The following ADAM22 variants were observed in gnomAD, a reference collection of about 807,000 sequenced individuals.
ADAM22 encodes ADAM metallopeptidase domain 22, also known as disintegrin and metalloproteinase domain-containing protein 22.
Under a neutral mutation model 144.6 loss-of-function variants are expected in ADAM22, and 65 were observed. That is an observed-to-expected ratio of 0.45 (90% CI 0.37 to 0.55). ADAM22 has a LOEUF of 0.55. Among genes scored for constraint, ADAM22 ranks in the 20% least tolerant of loss-of-function variants. The pLI is 0.00. For synonymous variants in ADAM22, 391 were observed against 412.6 expected (o/e 0.95, Z 0.63); for missense variants, 974 against 1,184.9 (o/e 0.82, Z 2.61).
At chr7:88,051,537 A>G (rs1039497667) in intron 3 of ADAM22, among the ~76,000 whole-genome samples, 2 of 148,232 alleles carry the variant, frequency 1.3e-5, no homozygotes, top group Non-Finnish European at 3.0e-5. Flanking sequence ...AACACCACAC[A>G]CCGGGGCCTG....
chr7:88,188,322 C>T (rs768620344), intron 30 of ADAM22, among the ~76,000 whole-genome samples: 4 of 152,202 alleles, frequency 2.6e-5, no homozygotes, highest in South Asian at 4.1e-4. Context: ...AAAGAGGTCA[C>T]GTTTCTTAAA....
At chr7:88,064,605 G>C (rs1810729886) in intron 3 of ADAM22, among the ~76,000 whole-genome samples, 1 of 152,128 alleles carries the variant, frequency 6.6e-6, no homozygotes, top group Admixed American at 6.6e-5. Flanking sequence ...CTGCTTCCAA[G>C]ATGGTGCCTT....
In ADAM22 at chr7:88,125,642, A is replaced by T. The variant is rs1167112845; in HGVS notation, c.661A>T (p.Lys221Ter). Residue 221 changes from lysine to a stop codon, truncating the protein, a stop_gained, in exon 8 of 32, where the codon AAA becomes TAA. Coordinates refer to ENST00000413139, the MANE Select transcript of ADAM22 (RefSeq NM_001324418.2). LOFTEE classifies it high-confidence loss of function. Reference sequence around the variant, plus strand: ...AAAATTTATTTTGAAGCCAAGACCAAAAAGGAGTAAACGGCAGGTATGTAT... The same window carrying T: ...AAAATTTATTTTGAAGCCAAGACCATAAAGGAGTAAACGGCAGGTATGTAT... ...PSKFILKPRP[K>*]RSKRQLRRYP... 6.3e-7 allele frequency: 1 copy of T among 1,590,684 alleles called. No homozygotes were observed.
At chr7:88,078,931 T>C (rs1471410321) in intron 4 of ADAM22, among the ~76,000 whole-genome samples, 35 of 152,196 alleles carry the variant, frequency 2.3e-4, no homozygotes, top group South Asian at 4.1e-4. Context: ...CTGCAGGATA[T>C]TATCCAGGAG....
intron 2 of ADAM22, among the ~76,000 whole-genome samples, chr7:87,950,060 G>A (rs1361745904): frequency 6.6e-6 from 1 of 151,916 alleles, no homozygotes; most frequent in African/African-American, 2.4e-5. Flanking sequence ...GTAGAGAACA[G>A]GCACATTAGT....
At chr7:87,973,973 A>G (rs1316762347) in intron 2 of ADAM22, among the ~76,000 whole-genome samples, 2 of 152,034 alleles carry the variant, frequency 1.3e-5, no homozygotes, top group African/African-American at 4.8e-5. Context: ...GCATTAGGAG[A>G]TATACCTAAT....
intron 3 of ADAM22, among the ~76,000 whole-genome samples, chr7:88,075,173 CT>C (rs1813975344): frequency 6.6e-6 from 1 of 152,068 alleles, no homozygotes; most frequent in Non-Finnish European, 1.5e-5. Context: ...TTTCTTTTAA[CT>C]TTCTTTGCCT....
At chr7:88,187,559 G>A (rs1448390158) in intron 30 of ADAM22, among the ~76,000 whole-genome samples, 1 of 152,158 alleles carries the variant, frequency 6.6e-6, no homozygotes, top group African/African-American at 2.4e-5. Context: ...ATATCAAAGT[G>A]ATTTTCTAGA....
At position 88,064,963 on chromosome 7, in the gene ADAM22, ATAGTAGTAG is replaced by A. The variant is rs1458522132; in HGVS notation, c.324-10662_324-10654del. Among the ~76,000 whole-genome samples the A allele has an allele frequency of 2.0e-5, 3 of 152,136 alleles. No homozygotes were observed. The East Asian group carries it at 5.8e-4, about 29-fold the overall frequency. On this transcript the variant is annotated intron_variant, in intron 3 of 31. Coordinates refer to ENST00000413139, the MANE Select transcript of ADAM22 (RefSeq NM_001324418.2). ...AGTAGTAGTAGTGGTAGCAGTGGTA[ATAGTAGTAG>A]GTGCTCAAAATTGTTAACTATTATT... is the stretch of plus-strand genomic sequence containing the variant.
chr7:87,962,045 C>G (rs1353446865), intron 2 of ADAM22, among the ~76,000 whole-genome samples: 2 of 152,156 alleles, frequency 1.3e-5, no homozygotes, highest in Non-Finnish European at 2.9e-5. Flanking sequence ...CAAATGACCA[C>G]CAAACTCACT....
At chr7:88,011,539 C>CAAAA (rs774557316) in intron 3 of ADAM22, among the ~76,000 whole-genome samples, 1 of 90,456 alleles carries the variant, frequency 1.1e-5, no homozygotes. Flanking sequence ...GACTCAATCT[C>CAAAA]AAAAAAAAAA....
chr7:88,127,758 A>G (rs1489291694), intron 8 of ADAM22, among the ~76,000 whole-genome samples: 1 of 152,006 alleles, frequency 6.6e-6, no homozygotes, highest in African/African-American at 2.4e-5. Flanking sequence ...CAAGTGAGCA[A>G]AACGTTTTCT....
chr7:87,934,806 T>C, intron 1 of ADAM22: 1 of 684,522 alleles, frequency 1.5e-6, no homozygotes, highest in Non-Finnish European at 2.4e-6. Flanking sequence ...GGGAAAGGGG[T>C]GCCCTGCTTC....
intron 2 of ADAM22, among the ~76,000 whole-genome samples, chr7:87,966,115 T>C (rs1848992908): frequency 6.6e-6 from 1 of 152,232 alleles, no homozygotes; most frequent in African/African-American, 2.4e-5. Context: ...AAAGTTTTCC[T>C]AACTCTACTC....
At chr7:88,174,981 A>G (rs980548492) in intron 26 of ADAM22, among the ~76,000 whole-genome samples, 21 of 152,146 alleles carry the variant, frequency 1.4e-4, no homozygotes, top group Admixed American at 1.4e-3. Flanking sequence ...GTAAAGTAGC[A>G]ATTTAATAAG....
chr7:88,008,052 A>G (rs1246327597), intron 3 of ADAM22, among the ~76,000 whole-genome samples: 1 of 152,206 alleles, frequency 6.6e-6, no homozygotes, highest in Non-Finnish European at 1.5e-5. Flanking sequence ...CAAATTTACA[A>G]GAAAAAAACA....
intron 2 of ADAM22, among the ~76,000 whole-genome samples, chr7:87,939,607 A>G (rs1842060808): frequency 6.6e-6 from 1 of 152,244 alleles, no homozygotes; most frequent in African/African-American, 2.4e-5. Flanking sequence ...ATAACTATAA[A>G]TGAGTTAATA....
chr7:88,078,209 G>C (rs1431954016), intron 4 of ADAM22, among the ~76,000 whole-genome samples: 1 of 152,146 alleles, frequency 6.6e-6, no homozygotes, highest in Non-Finnish European at 1.5e-5. Flanking sequence ...CCACTTTTCT[G>C]CAGCCACCAC....
At chr7:88,055,323 G>A (rs1258650035) in intron 3 of ADAM22, among the ~76,000 whole-genome samples, 1 of 151,844 alleles carries the variant, frequency 6.6e-6, no homozygotes, top group Non-Finnish European at 1.5e-5. Context: ...CTTGGGGTCA[G>A]GAAGTAGAGA....
Sources: gnomAD v4.1 joint callset for allele counts (sites outside exome capture counted in the v4.1 genomes callset) on GRCh38, gnomAD v4.1.1 for gene constraint, MANE v1.5 for transcripts, NCBI Gene and HGNC (gene_info 2026-07-23, HGNC 2026-07-21) for gene names.